UNC79: variants seen among roughly 807,000 people sequenced by gnomAD.
The protein encoded by UNC79 is unc-79 subunit of NALCN channel complex, also known as protein unc-79 homolog.
In UNC79, 37 loss-of-function variants were observed where a neutral mutation model predicts 283.1. That is an observed-to-expected ratio of 0.13 (90% confidence interval 0.10 to 0.17). UNC79 has a LOEUF of 0.17. UNC79 is among the 10% of genes least tolerant of loss of function. The probability of loss-of-function intolerance (pLI) is 1.00; values close to 1 mark genes in which losing one functional copy is unlikely to be tolerated. For synonymous variants in UNC79, 1,107 were observed against 1,200.2 expected (o/e 0.92, Z 1.61); for missense variants, 2,272 against 3,211.1 (o/e 0.71, Z 7.07).
chr14:93,428,574 A>C (rs914500122), upstream of UNC79, among the ~76,000 whole-genome samples: 2 of 152,208 alleles, frequency 1.3e-5, no homozygotes, highest in Non-Finnish European at 2.9e-5. Context: ...AGAAGGCTCA[A>C]GCTGTGAGTG....
At chr14:93,706,705 A>T in exon 49 of UNC79, 1 of 1,614,034 alleles carries the variant, frequency 6.2e-7, no homozygotes, top group Non-Finnish European at 8.5e-7. Context: ...TTTCGACAGC[A>T]CTTATCTGCG....
intron 1 of UNC79, among the ~76,000 whole-genome samples, chr14:93,335,706 A>T (rs970603151): frequency 2.0e-5 from 3 of 152,226 alleles, no homozygotes; most frequent in African/African-American, 4.8e-5. Context: ...GGAGAAAGCC[A>T]TGTGCGGTAG....
At chr14:93,352,730 T>C (rs1459511152) in intron 1 of UNC79, among the ~76,000 whole-genome samples, 1 of 152,204 alleles carries the variant, frequency 6.6e-6, no homozygotes, top group African/African-American at 2.4e-5. Flanking sequence ...CTATAACTTA[T>C]TTTATGTCTG....
intron 1 of UNC79, among the ~76,000 whole-genome samples, chr14:93,375,779 C>T (rs531839414): frequency 1.9e-4 from 29 of 152,250 alleles, no homozygotes; most frequent in African/African-American, 6.7e-4. Flanking sequence ...GGCACTAAAC[C>T]ATTCATGACG....
chr14:93,575,338 C>A, intron 17 of UNC79, 140 bp downstream of exon 17: 1 of 914,228 alleles, frequency 1.1e-6, no homozygotes, highest in Non-Finnish European at 1.7e-6. Context: ...CTTTTAAGTG[C>A]ATTAAATAGT....
chr14:93,590,991 C>T (rs906097239), intron 22 of UNC79, among the ~76,000 whole-genome samples: 1 of 152,204 alleles, frequency 6.6e-6, no homozygotes, highest in Admixed American at 6.5e-5. Context: ...GTGCCATGCT[C>T]TCTGCACATC....
intron 7 of UNC79, among the ~76,000 whole-genome samples, chr14:93,514,967 C>A (rs2059988381): frequency 6.6e-6 from 1 of 152,074 alleles, no homozygotes; most frequent in Non-Finnish European, 1.5e-5. Context: ...GACACATTCT[C>A]ATCCCTCTTT....
At chr14:93,600,038 A>G (rs1225299170) in intron 24 of UNC79, among the ~76,000 whole-genome samples, 1 of 152,118 alleles carries the variant, frequency 6.6e-6, no homozygotes, top group Non-Finnish European at 1.5e-5. Context: ...GTCTCTACTA[A>G]AAATACAAAA....
chr14:93,571,210 C>T (rs191965104), intron 14 of UNC79, among the ~76,000 whole-genome samples: 4 of 152,280 alleles, frequency 2.6e-5, no homozygotes, highest in Non-Finnish European at 4.4e-5. Context: ...ACCAGTTTAA[C>T]CTTTGTTACG....
At chr14:93,668,465 C>CT in intron 40 of UNC79, among the ~76,000 whole-genome samples, 1 of 152,210 alleles carries the variant, frequency 6.6e-6, no homozygotes, top group East Asian at 1.9e-4. Context: ...AATCCCTTCA[C>CT]TTTGGAAGGC....
chr14:93,406,215 C>A (rs946120282), intron 1 of UNC79, among the ~76,000 whole-genome samples: 1 of 152,068 alleles, frequency 6.6e-6, no homozygotes, highest in Non-Finnish European at 1.5e-5. Flanking sequence ...ATTAACACAG[C>A]AAATTCAGCA....
chr14:93,536,764 C>G (rs1160357797), intron 11 of UNC79, among the ~76,000 whole-genome samples: 1 of 137,994 alleles, frequency 7.2e-6, no homozygotes, highest in South Asian at 2.4e-4. Context: ...TTAGAAGGCA[C>G]CCCCCACCCA....
chr14:93,647,626 G>C (rs1314269500), intron 35 of UNC79, among the ~76,000 whole-genome samples: 1 of 152,134 alleles, frequency 6.6e-6, no homozygotes, highest in African/African-American at 2.4e-5. Flanking sequence ...AAGAGTGGGA[G>C]GAGATGAGAG....
At chr14:93,409,142 A>G (rs765042335) in intron 1 of UNC79, among the ~76,000 whole-genome samples, 9 of 152,198 alleles carry the variant, frequency 5.9e-5, no homozygotes, top group Non-Finnish European at 8.8e-5. Context: ...TTATTTGTAG[A>G]TGCTAAGTTT....
Position 93,516,728 on chromosome 14 carries a change from G to A in UNC79, c.899-7250G>A, listed in dbSNP as rs374052098. 3.9e-5 allele frequency among the ~76,000 whole-genome samples: 6 copies of A among 152,180 alleles called. No homozygotes were observed. In the East Asian group the frequency reaches 9.7e-4, roughly 25 times the overall value. ...CTCCCAAAGTGCTGGGATTACAGGT[G>A]TGAGCCATTGCATCTGACCTCTGCT... On this transcript the variant is annotated intron_variant, in intron 7 of 48. Coordinates refer to ENST00000555664, the Ensembl canonical transcript of UNC79.
At chr14:93,415,714 T>C (rs949626339) in intron 1 of UNC79, among the ~76,000 whole-genome samples, 7 of 151,906 alleles carry the variant, frequency 4.6e-5, no homozygotes, top group Non-Finnish European at 7.4e-5. Context: ...TATTGGTCTA[T>C]TCAGAGATTC....
intron 29 of UNC79, among the ~76,000 whole-genome samples, chr14:93,618,812 A>G (rs1445999620): frequency 6.6e-6 from 1 of 152,214 alleles, no homozygotes; most frequent in Non-Finnish European, 1.5e-5. Flanking sequence ...AAAGTGATTC[A>G]AGGCAAGGGA....
chr14:93,355,499 T>C (rs1258157077), intron 1 of UNC79, among the ~76,000 whole-genome samples: 1 of 151,976 alleles, frequency 6.6e-6, no homozygotes, highest in Non-Finnish European at 1.5e-5. Context: ...ACCCAGCCAG[T>C]TTTTTGTATT....
Position 93,617,048 on chromosome 14 carries a change from C to A in UNC79, c.4042-74C>A. On this transcript the variant is annotated intron_variant, in intron 27 of 48. Coordinates refer to ENST00000555664, the Ensembl canonical transcript of UNC79. The surrounding 1 kb of genome is among the most constrained non-coding windows in gnomAD (Gnocchi z 4.5). Reference sequence around the variant, plus strand: ...TTAAAAATTTTAACCACTGGGATGGCTCAAATTTTTCCTTTTGACCTCTGA... The same window carrying A: ...TTAAAAATTTTAACCACTGGGATGGATCAAATTTTTCCTTTTGACCTCTGA... 1 of 1,402,528 alleles carries A rather than the reference C, an allele frequency of 7.1e-7. No homozygotes were observed. 86.9% of individuals were successfully genotyped at this position (1,402,528 alleles called of 1,614,324 possible).
Sources: gnomAD v4.1 joint callset for allele counts (sites outside exome capture counted in the v4.1 genomes callset) on GRCh38, gnomAD v4.1.1 for gene constraint, Gnocchi (gnomAD v3.1) non-coding constraint, MANE v1.5 for transcripts, NCBI Gene and HGNC (gene_info 2026-07-23, HGNC 2026-07-21) for gene names.